Variants in SIPA1L1 observed in about 807,000 individuals in gnomAD.
The protein encoded by SIPA1L1 is signal induced proliferation associated 1 like 1.
SIPA1L1 carries 26 observed loss-of-function variants against 162.7 expected under a neutral mutation model. That is an observed-to-expected ratio of 0.16 (90% CI 0.12 to 0.22). The LOEUF is 0.22. SIPA1L1 is among the 10% of genes least tolerant of loss of function. The pLI is 1.00. For synonymous variants in SIPA1L1, 829 were observed against 837.4 expected, an observed-to-expected ratio of 0.99 and a Z score of 0.17; for missense variants, 1,874 against 2,241.0, an observed-to-expected ratio of 0.84 and a Z score of 3.31.
At chr14:71,671,065 ATGT>A (rs1362210687) in intron 10 of SIPA1L1, 51 bp from the exon 11 acceptor site, 84 of 1,356,780 alleles carry the variant, frequency 6.2e-5, no homozygotes, top group Non-Finnish European at 8.5e-5. Context: ...TTTTATTCTG[ATGT>A]TGTGAGACTG....
Position 71,724,667 on chromosome 14 carries a change from C to T in SIPA1L1, c.4449-3C>T. 1 of 1,600,466 alleles carries T rather than the reference C, an allele frequency of 6.2e-7. No individual in the cohort carries two copies. Among genetic ancestry groups the T allele is most frequent in the Middle Eastern group, 1.7e-4 (1 of 5,914 alleles). ...TCTATCATCTCTTCCCTTTTTTGTC[C>T]AGGCGTCATCAGAGCGATGGCAATG... On this transcript the variant is annotated splice_region_variant and splice_polypyrimidine_tract_variant and intron_variant, in intron 18 of 23. Coordinates refer to ENST00000381232, the MANE Select transcript of SIPA1L1 (RefSeq NM_001386936.1).
intron 2 of SIPA1L1, among the ~76,000 whole-genome samples, chr14:71,341,719 C>T (rs575006699): frequency 8.3e-4 from 126 of 152,226 alleles, no homozygotes; most frequent in Non-Finnish European, 1.2e-3. Context: ...GAGTACCCAG[C>T]GTTTAGCTCC....
At chr14:71,414,879 A>G (rs1367784990) in intron 2 of SIPA1L1, among the ~76,000 whole-genome samples, 1 of 152,180 alleles carries the variant, frequency 6.6e-6, no homozygotes, top group African/African-American at 2.4e-5. Flanking sequence ...TAAACATTTT[A>G]AACAATTACA....
chr14:71,322,658 ATT>A (rs976110199), intron 2 of SIPA1L1, among the ~76,000 whole-genome samples: 4 of 152,240 alleles, frequency 2.6e-5, no homozygotes, highest in African/African-American at 4.8e-5. Flanking sequence ...ATGATGAGTG[ATT>A]GTTTCCACAT....
At chr14:71,644,329 C>G (rs1275952923) in intron 7 of SIPA1L1, among the ~76,000 whole-genome samples, 2 of 152,198 alleles carry the variant, frequency 1.3e-5, no homozygotes, top group African/African-American at 4.8e-5. Context: ...TAGCCTTGCC[C>G]TCTTGGGCTT....
intron 4 of SIPA1L1, among the ~76,000 whole-genome samples, chr14:71,563,988 G>A (rs1226263991): frequency 1.3e-5 from 2 of 152,088 alleles, no homozygotes; most frequent in Non-Finnish European, 2.9e-5. Flanking sequence ...GTCTCACTCT[G>A]TTAGGCTGTA....
intron 8 of SIPA1L1, among the ~76,000 whole-genome samples, chr14:71,651,641 T>A (rs2042627713): frequency 6.6e-6 from 1 of 152,210 alleles, no homozygotes; most frequent in South Asian, 2.1e-4. Context: ...CCCCATTTGT[T>A]GTGCTGTATA....
intron 7 of SIPA1L1, among the ~76,000 whole-genome samples, chr14:71,632,162 C>G (rs1180363302): frequency 6.6e-6 from 1 of 152,118 alleles, no homozygotes; most frequent in Non-Finnish European, 1.5e-5. Context: ...CAACCTTGGA[C>G]ACATATATAA....
At chr14:71,577,885 C>T (rs1426521384) in intron 4 of SIPA1L1, among the ~76,000 whole-genome samples, 1 of 151,886 alleles carries the variant, frequency 6.6e-6, no homozygotes, top group Non-Finnish European at 1.5e-5. Flanking sequence ...GCACACACCA[C>T]CACGCCTGGC....
chr14:71,545,852 G>A (rs2055139894), intron 4 of SIPA1L1, among the ~76,000 whole-genome samples: 1 of 152,060 alleles, frequency 6.6e-6, no homozygotes, highest in Non-Finnish European at 1.5e-5. Context: ...TATAATCCTA[G>A]CACTTTGGGA....
At chr14:71,642,851 A>G (rs935113395) in intron 7 of SIPA1L1, among the ~76,000 whole-genome samples, 1 of 152,170 alleles carries the variant, frequency 6.6e-6, no homozygotes, top group African/African-American at 2.4e-5. Context: ...GTATTTATGG[A>G]TATGAAAGCT....
intron 2 of SIPA1L1, among the ~76,000 whole-genome samples, chr14:71,419,773 A>G (rs1394965703): frequency 1.3e-5 from 2 of 151,936 alleles, no homozygotes; most frequent in Non-Finnish European, 2.9e-5. Context: ...CTGGGATTAC[A>G]GATGTGAGCC....
chr14:71,435,458 GAAT>G (rs1262004956), intron 2 of SIPA1L1, among the ~76,000 whole-genome samples: 1 of 152,094 alleles, frequency 6.6e-6, no homozygotes, highest in Non-Finnish European at 1.5e-5. Context: ...AGGTTGCTGA[GAAT>G]GATGGTTTCC....
chr14:71,640,711 G>A (rs1351767593), intron 7 of SIPA1L1, among the ~76,000 whole-genome samples: 1 of 152,130 alleles, frequency 6.6e-6, no homozygotes, highest in South Asian at 2.1e-4. Context: ...TGCAACCTCC[G>A]CCTCCTGAGT....
At position 71,633,829 on chromosome 14, in the gene SIPA1L1, C is replaced by T. The variant is rs112633255; in HGVS notation, c.1818+9593C>T. Among the ~76,000 whole-genome samples, 710 of 152,134 alleles carry T rather than the reference C, an allele frequency of 4.7e-3. 7 individuals are homozygous for T. The highest frequency in any genetic ancestry group is 0.016 in the African/African-American group (673 of 41,512). ...GGGGAAACAAATGAACAGAGCTTCA[C>T]GGTTTGTGGGGCTATAATAAAATAT... On this transcript the variant is annotated intron_variant, in intron 7 of 23. Transcript: ENST00000381232.
intron 10 of SIPA1L1, among the ~76,000 whole-genome samples, chr14:71,662,121 T>G (rs1024435832): frequency 6.6e-6 from 1 of 152,200 alleles, no homozygotes; most frequent in Non-Finnish European, 1.5e-5. Flanking sequence ...GTTCTGGCAT[T>G]TGTAAGATGT....
intron 2 of SIPA1L1, among the ~76,000 whole-genome samples, chr14:71,507,350 T>A (rs184833981): frequency 1.3e-5 from 2 of 152,236 alleles, no homozygotes; most frequent in South Asian, 4.1e-4. Context: ...TTTTGTCATA[T>A]GATAATTCTG....
intron 4 of SIPA1L1, among the ~76,000 whole-genome samples, chr14:71,537,983 A>G (rs2054052720): frequency 6.6e-6 from 1 of 152,292 alleles, no homozygotes; most frequent in Admixed American, 6.5e-5. Flanking sequence ...GTTTGTTTTT[A>G]TAATGCATAG....
chr14:71,456,881 A>AG (rs1462586660), intron 2 of SIPA1L1, among the ~76,000 whole-genome samples: 1 of 152,228 alleles, frequency 6.6e-6, no homozygotes, highest in Non-Finnish European at 1.5e-5. Context: ...AAGTTTGTGC[A>AG]GAAGTTTTTT....
Sources: allele counts gnomAD v4.1 joint callset (sites outside exome capture counted in the v4.1 genomes callset), GRCh38; gene constraint gnomAD v4.1.1; transcripts MANE v1.5; gene names NCBI Gene and HGNC (gene_info 2026-07-23, HGNC 2026-07-21).